The following ERBB4 variants were observed in gnomAD, a reference collection of about 807,000 sequenced individuals.
ERBB4 encodes receptor tyrosine-protein kinase erbB-4.
ERBB4 carries 42 observed loss-of-function variants against 158.0 expected under a neutral mutation model. The ratio of observed to expected loss-of-function variants is 0.27; its 90% CI spans 0.21 to 0.34. The LOEUF (loss-of-function observed/expected upper bound fraction) is 0.34, where lower values mean the gene tolerates loss of function less well. Ranked by LOEUF, ERBB4 falls within the 10% of genes least tolerant of loss-of-function variation. The pLI, the probability that ERBB4 is intolerant of heterozygous loss-of-function variation, is 1.00. For missense variants in ERBB4, 1,333 were observed against 1,624.1 expected (o/e 0.82, Z 3.08); for synonymous variants, 583 against 558.7 (o/e 1.04, Z -0.61).
chr2:211,418,852 C>T (rs992479576), intron 25 of ERBB4, among the ~76,000 whole-genome samples: 3 of 152,022 alleles, frequency 2.0e-5, no homozygotes, highest in Non-Finnish European at 4.4e-5. Flanking sequence ...TATTCATTAC[C>T]TATCCATTGA....
intron 1 of ERBB4, among the ~76,000 whole-genome samples, chr2:212,450,876 A>G (rs998153173): frequency 5.9e-5 from 9 of 151,712 alleles, no homozygotes; most frequent in African/African-American, 2.2e-4. Context: ...CCATAATCAC[A>G]GCACTTTGGG....
intron 25 of ERBB4, among the ~76,000 whole-genome samples, chr2:211,419,288 G>A (rs546679450): frequency 3.9e-5 from 6 of 152,142 alleles, no homozygotes; most frequent in Non-Finnish European, 7.4e-5. Context: ...AGAACCTCAT[G>A]AAGTTTGTTT....
At chr2:211,498,240 A>G (rs1339614386) in intron 20 of ERBB4, among the ~76,000 whole-genome samples, 1 of 152,120 alleles carries the variant, frequency 6.6e-6, no homozygotes, top group Non-Finnish European at 1.5e-5. Context: ...AATTTGTGCT[A>G]AAGTCTTCAG....
At chr2:211,493,625 T>C (rs1019360829) in intron 20 of ERBB4, among the ~76,000 whole-genome samples, 3 of 152,058 alleles carry the variant, frequency 2.0e-5, no homozygotes, top group African/African-American at 7.2e-5. Flanking sequence ...ATTATCTCAT[T>C]CAATTTAAGC....
intron 3 of ERBB4, among the ~76,000 whole-genome samples, chr2:211,877,810 C>T (rs1050329488): frequency 3.3e-5 from 5 of 151,980 alleles, no homozygotes; most frequent in African/African-American, 7.3e-5. Flanking sequence ...AAATTTATGT[C>T]GGTAACAATG....
At chr2:212,435,557 C>T (rs1018906351) in intron 1 of ERBB4, among the ~76,000 whole-genome samples, 2 of 151,826 alleles carry the variant, frequency 1.3e-5, no homozygotes, top group African/African-American at 4.8e-5. Context: ...ATTTTTCTAT[C>T]AGAGGAACAT....
chr2:211,901,081 TTTTC>T lies in ERBB4; in HGVS notation c.421+46345_421+46348del, dbSNP rs542255529. Among the ~76,000 whole-genome samples, 65 of 152,164 alleles carry T rather than the reference TTTTC, an allele frequency of 4.3e-4. 1 individual carries two copies. Among genetic ancestry groups the T allele is most frequent in the Non-Finnish European group, 6.5e-4 (44 of 68,022 alleles). On this transcript the variant is annotated intron_variant, in intron 3 of 27. Transcript: ENST00000342788. The stretch of plus-strand genomic sequence containing the variant: ...ATTTTGAAAGAAATTTGTATGTTAT[TTTTC>T]TTTCATTTGGACATGTAAATAAATG...
intron 1 of ERBB4, among the ~76,000 whole-genome samples, chr2:212,286,885 A>AG (rs2086007222): frequency 1.3e-5 from 2 of 149,374 alleles, no homozygotes; most frequent in Non-Finnish European, 3.0e-5. Flanking sequence ...TACTGGGATT[A>AG]CGGGCGTGAG....
intron 4 of ERBB4, among the ~76,000 whole-genome samples, chr2:211,769,407 C>T (rs1453543790): frequency 6.6e-6 from 1 of 152,160 alleles, no homozygotes. Flanking sequence ...GTTGCTTCCA[C>T]ATTTCCAGGT....
In ERBB4 at chr2:212,538,474, G is replaced by C; in HGVS notation, c.57C>G (p.Thr19=). The change falls in exon 1 of 28, where the codon ACC becomes ACG. Residue 19 remains threonine (T), a synonymous_variant. Coordinates refer to ENST00000342788, the MANE Select transcript of ERBB4 (RefSeq NM_005235.3). ...CTGACTGAGAATCGCTGGGCTGGAC[G>C]GTCCCCGCCGCCACGAGAAGGCTCA... ...VWVSLLVAAG[T]VQPSDSQSVC... 1 of 1,613,934 alleles carries C rather than the reference G, an allele frequency of 6.2e-7. No individual in the cohort carries two copies. The highest frequency in any genetic ancestry group is 1.1e-5 in the South Asian group (1 of 91,082).
At chr2:211,554,416 T>C (rs1461253120) in intron 20 of ERBB4, among the ~76,000 whole-genome samples, 1 of 152,216 alleles carries the variant, frequency 6.6e-6, no homozygotes, top group Non-Finnish European at 1.5e-5. Flanking sequence ...GACTCATTCA[T>C]TGTCAATGTT....
chr2:212,244,661 C>T (rs1458430078), intron 1 of ERBB4, among the ~76,000 whole-genome samples: 2 of 152,074 alleles, frequency 1.3e-5, no homozygotes, highest in South Asian at 2.1e-4. Flanking sequence ...TATCATTTCC[C>T]TCATGATTTG....
chr2:211,547,911 C>T (rs1318834100), intron 20 of ERBB4, among the ~76,000 whole-genome samples: 1 of 152,066 alleles, frequency 6.6e-6, no homozygotes, highest in African/African-American at 2.4e-5. Flanking sequence ...ATTAGAGTTG[C>T]TCAGCATGCC....
rs115739997 is a variant in ERBB4, at chr2:212,345,922, G to T, written c.82+192527C>A. ...GTCAGAAAATATATTTGAATTCTCC[G>T]AAAAAGATAGAGAGATAAATACAAT... is the stretch of plus-strand genomic sequence containing the variant. On this transcript the variant is annotated intron_variant, in intron 1 of 27. Coordinates refer to ENST00000342788, the MANE Select transcript of ERBB4 (RefSeq NM_005235.3). 3.0e-3 allele frequency among the ~76,000 whole-genome samples: 459 copies of T among 152,020 alleles called. 1 individual carries two copies. The highest frequency in any genetic ancestry group is 0.011 in the African/African-American group (447 of 41,484).
rs554308555 is a variant in ERBB4 at position 211,975,751 on chromosome 2, CAG to C, written c.235-28137_235-28136del. On this transcript the variant is annotated intron_variant, in intron 2 of 27. Coordinates refer to ENST00000342788, the MANE Select transcript of ERBB4 (RefSeq NM_005235.3). ...CAATTTTTCAATATGTCATTAGTAACAGAATTCACAGGAAAAACATCTTATAA... is the reference window on the plus strand; with the variant it reads ...CAATTTTTCAATATGTCATTAGTAACAATTCACAGGAAAAACATCTTATAA... 4.5e-4 allele frequency among the ~76,000 whole-genome samples: 69 copies of C among 152,140 alleles called. 3 individuals carry two copies. In the East Asian group the frequency reaches 0.013, roughly 28 times the overall value.
chr2:211,407,568 T>C (rs1403836515), intron 25 of ERBB4, among the ~76,000 whole-genome samples: 5 of 152,218 alleles, frequency 3.3e-5, no homozygotes, highest in Non-Finnish European at 1.5e-5. Context: ...ACTTCTTTCA[T>C]CATAATGTAG....
At chr2:212,209,846 G>A (rs1453877778) in intron 1 of ERBB4, among the ~76,000 whole-genome samples, 2 of 152,086 alleles carry the variant, frequency 1.3e-5, no homozygotes, top group Non-Finnish European at 2.9e-5. Flanking sequence ...TGGGCAATAT[G>A]TATGTTGTTT....
chr2:211,428,709 A>G (rs1455564439), intron 21 of ERBB4, among the ~76,000 whole-genome samples: 2 of 152,044 alleles, frequency 1.3e-5, no homozygotes, highest in Non-Finnish European at 2.9e-5. Context: ...TACTATACTT[A>G]TTCATTTTTT....
chr2:212,360,848 C>T (rs768606172), intron 1 of ERBB4, among the ~76,000 whole-genome samples: 21 of 151,520 alleles, frequency 1.4e-4, no homozygotes, highest in Non-Finnish European at 1.5e-5. Context: ...ACTTACTTAA[C>T]TATTTGTGAG....
Sources: gnomAD v4.1 joint callset for allele counts (sites outside exome capture counted in the v4.1 genomes callset) on GRCh38, gnomAD v4.1.1 for gene constraint, MANE v1.5 for transcripts, NCBI Gene and HGNC (gene_info 2026-07-23, HGNC 2026-07-21) for gene names.